CNTN5: variants seen among roughly 807,000 people sequenced by gnomAD.
CNTN5 encodes the protein contactin 5, also known as contactin-5.
Under a neutral mutation model 129.1 loss-of-function variants are expected in CNTN5, and 77 were observed. That is an observed-to-expected ratio of 0.60 (90% CI 0.50 to 0.72). CNTN5 has a LOEUF of 0.72. CNTN5 is among the 30% of genes least tolerant of loss of function. The pLI is 0.00. For missense variants in CNTN5, 1,478 were observed against 1,328.8 expected (o/e 1.11, Z -1.75); for synonymous variants, 509 against 465.6 (o/e 1.09, Z -1.20).
chr11:99,714,960 C>A (rs1397957311), intron 3 of CNTN5, among the ~76,000 whole-genome samples: 1 of 151,540 alleles, frequency 6.6e-6, no homozygotes, highest in East Asian at 2.0e-4. Flanking sequence ...GGAAAGCTAG[C>A]ATTTGAATAT....
intron 3 of CNTN5, among the ~76,000 whole-genome samples, chr11:99,679,529 C>T (rs1953460752): frequency 6.6e-6 from 1 of 151,994 alleles, no homozygotes; most frequent in Non-Finnish European, 1.5e-5. Context: ...TTTTGAGTTG[C>T]CACAGACTGC....
chr11:99,767,052 C>T (rs1364938694), intron 3 of CNTN5, among the ~76,000 whole-genome samples: 2 of 152,050 alleles, frequency 1.3e-5, no homozygotes, highest in Non-Finnish European at 2.9e-5. Context: ...CCAAATGCAG[C>T]TGTTTTCTAA....
At chr11:100,217,459 C>T (rs73000880) in intron 15 of CNTN5, among the ~76,000 whole-genome samples, 3,414 of 152,248 alleles carry the variant, frequency 0.022, 52 homozygotes, top group Non-Finnish European at 0.034. Flanking sequence ...CTATAAGCAT[C>T]CATAAAATGT....
chr11:99,763,113 A>G (rs1316856406), intron 3 of CNTN5, among the ~76,000 whole-genome samples: 1 of 143,560 alleles, frequency 7.0e-6, no homozygotes, highest in African/African-American at 2.5e-5. Context: ...TTTCTGTCAT[A>G]TTCATATACT....
At chr11:99,669,610 T>A (rs912241822) in intron 3 of CNTN5, among the ~76,000 whole-genome samples, 1 of 152,120 alleles carries the variant, frequency 6.6e-6, no homozygotes, top group Non-Finnish European at 1.5e-5. Flanking sequence ...CTGTTTGATA[T>A]ATTTTTCTAG....
intron 3 of CNTN5, among the ~76,000 whole-genome samples, chr11:99,585,994 C>G (rs144737578): frequency 1.3e-5 from 2 of 151,878 alleles, no homozygotes; most frequent in African/African-American, 2.4e-5. Flanking sequence ...AGTCAGCTAC[C>G]GTGTTAGTTT....
At chr11:99,723,870 G>C (rs1247523474) in intron 3 of CNTN5, among the ~76,000 whole-genome samples, 1 of 152,156 alleles carries the variant, frequency 6.6e-6, no homozygotes, top group Non-Finnish European at 1.5e-5. Context: ...CTGAGGCTCA[G>C]ATAATTTTAG....
chr11:99,872,726 A>G (rs1283901253), intron 6 of CNTN5, among the ~76,000 whole-genome samples: 2 of 152,154 alleles, frequency 1.3e-5, no homozygotes, highest in Non-Finnish European at 2.9e-5. Context: ...CTGAAAAAGC[A>G]TAAGCACAAG....
Position 100,140,731 on chromosome 11 carries a change from CAGAT to C in CNTN5, c.1581-50391_1581-50388del, listed in dbSNP as rs1428703128. Among the ~76,000 whole-genome samples, 6 of 152,216 alleles carry C rather than the reference CAGAT, an allele frequency of 3.9e-5. No individual in the cohort carries two copies. The East Asian group carries it at 9.7e-4, about 25-fold the overall frequency. ...ATATTAAAATCACCAAGAATTAAGA[CAGAT>C]AGAGTGTTAGAATGAAAAACGGCAA... is the stretch of plus-strand genomic sequence containing the variant. On this transcript the variant is annotated intron_variant, in intron 13 of 24. Transcript: ENST00000524871.
At chr11:99,538,480 G>A (rs1023139587) in intron 2 of CNTN5, among the ~76,000 whole-genome samples, 5 of 152,164 alleles carry the variant, frequency 3.3e-5, no homozygotes, top group Admixed American at 2.0e-4. Flanking sequence ...ACACAAAGGC[G>A]TTATTTTTAC....
intron 16 of CNTN5, among the ~76,000 whole-genome samples, chr11:100,239,586 G>A (rs1949693546): frequency 6.6e-6 from 1 of 152,062 alleles, no homozygotes; most frequent in African/African-American, 2.4e-5. Context: ...TTATAATAAA[G>A]AGTAGAAAGC....
chr11:100,206,270 C>T (rs1318632872), intron 15 of CNTN5, among the ~76,000 whole-genome samples: 2 of 151,922 alleles, frequency 1.3e-5, no homozygotes, highest in East Asian at 3.9e-4. Flanking sequence ...AGAGGGTGAG[C>T]ATGATGAAAT....
intron 9 of CNTN5, among the ~76,000 whole-genome samples, chr11:100,050,363 A>G (rs1433262502): frequency 6.6e-6 from 1 of 152,034 alleles, no homozygotes; most frequent in African/African-American, 2.4e-5. Flanking sequence ...TTCTCAATAA[A>G]CTATCACAAG....
intron 4 of CNTN5, among the ~76,000 whole-genome samples, chr11:99,831,390 A>G (rs1426674937): frequency 6.6e-6 from 1 of 152,196 alleles, no homozygotes; most frequent in African/African-American, 2.4e-5. Context: ...AAAATTTCAT[A>G]GCTCAATTCG....
intron 8 of CNTN5, among the ~76,000 whole-genome samples, chr11:99,977,754 A>T (rs943827202): frequency 3.3e-5 from 5 of 152,198 alleles, no homozygotes; most frequent in Non-Finnish European, 7.3e-5. Flanking sequence ...ACATATGGGG[A>T]TTATAATTCA....
intron 20 of CNTN5, among the ~76,000 whole-genome samples, chr11:100,304,289 G>A (rs1472716703): frequency 3.3e-5 from 5 of 151,606 alleles, no homozygotes; most frequent in African/African-American, 4.8e-5. Flanking sequence ...CTAAGTCTTT[G>A]ATTCCACTAG....
Position 99,528,955 on chromosome 11 carries a change from A to C in CNTN5, c.-70-27190A>C, listed in dbSNP as rs562945079. 1.8e-4 allele frequency among the ~76,000 whole-genome samples: 25 copies of C among 138,892 alleles called. No individual in the cohort carries two copies. In the East Asian group the frequency reaches 5.0e-3, roughly 28 times the overall value. 91.1% of individuals were successfully genotyped at this position (138,892 alleles called of 152,430 possible). ...TGGTGCATGCCCATAATACCAGCTA[A>C]TACCAGCTACTAGGGAGGCTGAGGC... On this transcript the variant is annotated intron_variant, in intron 2 of 24. Coordinates refer to ENST00000524871, the MANE Select transcript of CNTN5 (RefSeq NM_014361.4).
intron 21 of CNTN5, among the ~76,000 whole-genome samples, chr11:100,325,909 T>C (rs1007929231): frequency 5.3e-5 from 8 of 152,232 alleles, no homozygotes; most frequent in African/African-American, 1.4e-4. Context: ...AGGAAATGAA[T>C]GATTAGCTTT....
chr11:99,651,361 G>C (rs1321450255), intron 3 of CNTN5, among the ~76,000 whole-genome samples: 2 of 151,364 alleles, frequency 1.3e-5, no homozygotes, highest in African/African-American at 4.8e-5. Context: ...GATGAGAAAA[G>C]GTTAAAAAAA....
Sources: allele counts gnomAD v4.1 joint callset (sites outside exome capture counted in the v4.1 genomes callset), GRCh38; gene constraint gnomAD v4.1.1; transcripts MANE v1.5; gene names NCBI Gene and HGNC (gene_info 2026-07-23, HGNC 2026-07-21).